LPA: variants seen among roughly 807,000 people sequenced by gnomAD.
LPA encodes the protein lipoprotein(a).
A neutral mutation model predicts 197.9 loss-of-function variants in LPA; 199 were observed. That is an observed-to-expected ratio of 1.01 (90% CI 0.90 to 1.13). The LOEUF is 1.13. LPA is among the 50% of genes most tolerant of loss of function. The probability of loss-of-function intolerance (pLI) is 0.00; values close to 1 mark genes in which losing one functional copy is unlikely to be tolerated. For missense variants in LPA, 1,853 were observed against 1,785.8 expected, an observed-to-expected ratio of 1.04 and a Z score of -0.68; for synonymous variants, 715 against 639.5, an observed-to-expected ratio of 1.12 and a Z score of -1.78.
Position 160,553,933 on chromosome 6 carries a change from C to CTGTGTGTGTGTGTGTGTG in LPA, c.4973+2091_4973+2092insCACACACACACACACACA, listed in dbSNP as rs1437869346. Among the ~76,000 whole-genome samples, 6 of 68,950 alleles carry CTGTGTGTGTGTGTGTGTG rather than the reference C, an allele frequency of 8.7e-5. No homozygotes were observed. The South Asian group carries it at 1.3e-3, about 15-fold the overall frequency. The allele number at this position is 68,950 out of a possible 152,430, so 45.2% of individuals were successfully genotyped here. ...TCTCTCTCTCTTTCTCTCTCTCTCTCTCTCTGTGTGTGTGTGTGTGTGCGC... is the reference window on the plus strand; with the variant it reads ...TCTCTCTCTCTTTCTCTCTCTCTCTCTGTGTGTGTGTGTGTGTGTCTCTGTGTGTGTGTGTGTGTGCGC... On this transcript the variant is annotated intron_variant, in intron 30 of 38. Coordinates refer to ENST00000316300, the MANE Select transcript of LPA (RefSeq NM_005577.4).
chr6:160,594,889 A>G (rs934055924), intron 21 of LPA, among the ~76,000 whole-genome samples: 2 of 152,176 alleles, frequency 1.3e-5, no homozygotes, highest in African/African-American at 4.8e-5. Context: ...CCAGAAGTAT[A>G]TGGAACTAAG....
rs1778743462 is a variant in LPA at position 160,579,185 on chromosome 6, A to T, written c.4290-481T>A. ...CCCCAAGGAAGAAGTGGCATCCAAG[A>T]TTATATAATTCCCATGCCAGCCCCC... On this transcript the variant is annotated intron_variant, in intron 26 of 38. Transcript: ENST00000316300. Among the ~76,000 whole-genome samples, 7 of 152,248 alleles carry T rather than the reference A, an allele frequency of 4.6e-5. No individual in the cohort carries two copies. In the South Asian group the frequency reaches 1.5e-3, roughly 32 times the overall value.
intron 28 of LPA, among the ~76,000 whole-genome samples, chr6:160,574,597 T>C (rs1218715738): frequency 6.6e-6 from 1 of 152,118 alleles, no homozygotes; most frequent in East Asian, 1.9e-4. Context: ...TCTACCCCTA[T>C]ATTTTGCTTG....
chr6:160,590,930 C>T lies in LPA; in HGVS notation c.3787+14G>A, dbSNP rs1157075755. On this transcript the variant is annotated intron_variant, in intron 23 of 38. Transcript: ENST00000316300. ...ACGTCCAAGGGTGTGGTTGTCTGGC[C>T]AGAGACTTCTTACCTTGTTCAGAAA... 86 of 1,613,754 alleles carry T rather than the reference C, an allele frequency of 5.3e-5. No individual in the cohort carries two copies. The highest frequency in any genetic ancestry group is 7.0e-5 in the Non-Finnish European group (83 of 1,179,846).
chr6:160,542,051 G>A (rs1314279140), intron 34 of LPA, among the ~76,000 whole-genome samples: 19 of 152,172 alleles, frequency 1.2e-4, no homozygotes, highest in Admixed American at 1.2e-3. Flanking sequence ...GCAGGCAGAT[G>A]GGTCTGTGTC....
Position 160,601,101 on chromosome 6 carries a change from G to A in LPA, c.2946-3C>T. 2 of 1,613,950 alleles carry A rather than the reference G, an allele frequency of 1.2e-6. No individual in the cohort carries two copies. The highest frequency in any genetic ancestry group is 1.1e-5 in the South Asian group (1 of 91,076). On this transcript the variant is annotated splice_polypyrimidine_tract_variant and splice_region_variant and intron_variant, in intron 18 of 38. Coordinates refer to ENST00000316300, the MANE Select transcript of LPA (RefSeq NM_005577.4). ...GGCAGTAGTTCTTGATCAAGCCACT[G>A]GAAATTCCAAAAGAATACACATCAC...
chr6:160,607,210 TC>T (rs1291817889), intron 16 of LPA, among the ~76,000 whole-genome samples: 5 of 152,244 alleles, frequency 3.3e-5, no homozygotes, highest in Non-Finnish European at 7.3e-5. Context: ...GCTCTACTTT[TC>T]CCATGGAAAA....
Position 160,545,526 on chromosome 6 carries a change from C to T in LPA, c.5312G>A (p.Arg1771His), listed in dbSNP as rs772415624. ...KWAGLEKNYCRNPDGDINGPW... is the reference protein window; with the variant it reads ...KWAGLEKNYCHNPDGDINGPW... Reference sequence around the variant, plus strand: ...ACCATTGATGTCACCATCAGGGTTACGGCAGTACTGAAAACAAGCAGGCAT... The same window carrying T: ...ACCATTGATGTCACCATCAGGGTTATGGCAGTACTGAAAACAAGCAGGCAT... Residue 1771 changes from arginine to histidine, a missense_variant, in exon 33 of 39, where the codon CGT (arginine) becomes CAT (histidine). Physicochemically the swap from Arg to His is conservative, Grantham distance 29. Around this residue, in one of 3 missense-constraint regions of LPA, gnomAD observed 1,737 missense variants for 1,504.4 expected, o/e 1.15. Coordinates refer to ENST00000316300, the MANE Select transcript of LPA (RefSeq NM_005577.4). 69 of 1,610,940 alleles carry T rather than the reference C, an allele frequency of 4.3e-5. No homozygotes were observed. The highest frequency in any genetic ancestry group is 1.7e-4 in the Middle Eastern group (1 of 6,058).
At chr6:160,602,900 G>A (rs1360406861) in intron 18 of LPA, among the ~76,000 whole-genome samples, 1 of 151,744 alleles carries the variant, frequency 6.6e-6, no homozygotes, top group Non-Finnish European at 1.5e-5. Flanking sequence ...GCAAGACACA[G>A]CTCTTTTTCC....
chr6:160,590,357 G>A (rs1249791405), intron 23 of LPA, among the ~76,000 whole-genome samples: 2 of 152,178 alleles, frequency 1.3e-5, no homozygotes, highest in Non-Finnish European at 2.9e-5. Flanking sequence ...ATGAGAAGGA[G>A]GGGCAAGAAC....
chr6:160,592,507 C>A (rs571007572), intron 22 of LPA, among the ~76,000 whole-genome samples: 21 of 152,226 alleles, frequency 1.4e-4, no homozygotes, highest in South Asian at 2.1e-4. Flanking sequence ...CTTGCCAATG[C>A]CATAATTTCT....
At chr6:160,609,359 T>C (rs1228613434) in intron 16 of LPA, among the ~76,000 whole-genome samples, 1 of 152,144 alleles carries the variant, frequency 6.6e-6, no homozygotes, top group African/African-American at 2.4e-5. Context: ...TATTCCCTGG[T>C]ATCTGGCTTC....
rs1777805995 is a variant in LPA at position 160,531,527 on chromosome 6, GC to G, written c.*201del. On this transcript the variant is annotated 3_prime_UTR_variant, in exon 39 of 39. Coordinates refer to ENST00000316300, the MANE Select transcript of LPA (RefSeq NM_005577.4). ...GAGTTTATTTTTAACAAATGTCATA[GC>G]TATGACACCTTAATACAGAATTTGT... 1 of 638,904 alleles carries G rather than the reference GC, an allele frequency of 1.6e-6. No individual in the cohort carries two copies. The highest frequency in any genetic ancestry group is 2.8e-6 in the Non-Finnish European group (1 of 363,394). The allele number at this position is 638,904 out of a possible 1,614,324, so 39.6% of individuals were successfully genotyped here. A position where few individuals can be genotyped will look rare whatever the true frequency, so the allele number is the denominator to read the frequency against.
chr6:160,593,914 T>C, intron 22 of LPA, 44 bp downstream of exon 22: 1 of 1,608,600 alleles, frequency 6.2e-7, no homozygotes, highest in Non-Finnish European at 8.5e-7. Context: ...AAGAGAAATG[T>C]AAGGGGGCTG....
chr6:160,598,195 C>A (rs1214727174), intron 20 of LPA, among the ~76,000 whole-genome samples: 1 of 152,100 alleles, frequency 6.6e-6, no homozygotes, highest in East Asian at 1.9e-4. Context: ...AGTTGTTGTT[C>A]CTCAATATAT....
chr6:160,601,193 G>A, intron 18 of LPA, 95 bp from the exon 19 acceptor site: 1 of 1,059,994 alleles, frequency 9.4e-7, no homozygotes, highest in Non-Finnish European at 1.5e-6. Context: ...TGGTGCCTTT[G>A]AAATATTCCC....
In LPA at chr6:160,532,669, A is replaced by G; in HGVS notation, c.5843-20T>C. The stretch of plus-strand genomic sequence containing the variant: ...AGGTACCTGTGTTTAAAAAGATGAA[A>G]GAAATGGTTACTGAGGCCAAAGCTT... On this transcript the variant is annotated intron_variant, in intron 37 of 38. Transcript: ENST00000316300. 6.7e-7 allele frequency: 1 copy of G among 1,503,032 alleles called. No homozygotes were observed. Among genetic ancestry groups the G allele is most frequent in the South Asian group, 1.1e-5 (1 of 88,662 alleles). 93.1% of individuals were successfully genotyped at this position (1,503,032 alleles called of 1,614,324 possible).
chr6:160,553,789 AT>A (rs1318422729), intron 30 of LPA, among the ~76,000 whole-genome samples: 5 of 151,828 alleles, frequency 3.3e-5, no homozygotes, highest in Admixed American at 6.6e-5. Flanking sequence ...TGCTTTGAGT[AT>A]TTTTTTCTGT....
chr6:160,602,532 T>C (rs1056241398), intron 18 of LPA, among the ~76,000 whole-genome samples: 11 of 152,242 alleles, frequency 7.2e-5, no homozygotes, highest in Admixed American at 7.2e-4. Flanking sequence ...AGAAATTTGA[T>C]CAAGAAAATA....
Sources: gnomAD v4.1 joint callset for allele counts (sites outside exome capture counted in the v4.1 genomes callset) on GRCh38, gnomAD v4.1.1 for gene constraint, gnomAD v4.1.1 regional missense constraint, MANE v1.5 for transcripts, NCBI Gene and HGNC (gene_info 2026-07-23, HGNC 2026-07-21) for gene names.